The following CLVS1 variants were observed in gnomAD, a reference collection of about 807,000 sequenced individuals.
CLVS1 encodes clavesin-1.
A neutral mutation model predicts 33.1 loss-of-function variants in CLVS1; 10 were observed. That is an observed-to-expected ratio of 0.30 (90% CI 0.19 to 0.51). The LOEUF (loss-of-function observed/expected upper bound fraction) is 0.51, where lower values mean the gene tolerates loss of function less well. Ranked by LOEUF, CLVS1 falls within the 20% of genes least tolerant of loss-of-function variation. CLVS1 has a pLI of 0.97. For synonymous variants in CLVS1, 163 were observed against 166.1 expected (o/e 0.98, Z 0.14); for missense variants, 343 against 433.4 (o/e 0.79, Z 1.85).
chr8:61,439,653 A>G (rs1356846574), intron 3 of CLVS1, among the ~76,000 whole-genome samples: 3 of 152,240 alleles, frequency 2.0e-5, no homozygotes. Flanking sequence ...AGGATTTCCT[A>G]CCAGGAATGA....
At chr8:61,202,357 G>T in intron 2 of CLVS1, 2 of 742,414 alleles carry the variant, frequency 2.7e-6, no homozygotes, top group Non-Finnish European at 5.0e-6. Context: ...CCCGATGGAA[G>T]ATCTGATGGA....
At chr8:61,212,328 CG>C (rs1807987824) in intron 2 of CLVS1, among the ~76,000 whole-genome samples, 2 of 152,222 alleles carry the variant, frequency 1.3e-5, no homozygotes, top group Admixed American at 1.3e-4. Flanking sequence ...AGTGAGGTGG[CG>C]GGGGACATTT....
At chr8:60,995,827 A>C in the CLVS1 span, among the ~76,000 whole-genome samples, 20 of 152,288 alleles carry the variant, frequency 1.3e-4, no homozygotes, top group African/African-American at 1.9e-4. Flanking sequence ...GAATACTATG[A>C]AGCCATAAAA....
At chr8:61,463,548 A>G (rs1299605106) in intron 5 of CLVS1, among the ~76,000 whole-genome samples, 6 of 152,140 alleles carry the variant, frequency 3.9e-5, no homozygotes, top group Non-Finnish European at 8.8e-5. Flanking sequence ...TAAGGTTATT[A>G]ATTAACCTAG....
At chr8:61,232,142 C>T (rs1808459841) in intron 2 of CLVS1, among the ~76,000 whole-genome samples, 1 of 147,596 alleles carries the variant, frequency 6.8e-6, no homozygotes, top group African/African-American at 2.5e-5. Flanking sequence ...TCAGGCCATT[C>T]TCCTACCTCA....
intron 2 of CLVS1, among the ~76,000 whole-genome samples, chr8:61,323,441 T>G (rs546398698): frequency 6.6e-5 from 10 of 152,246 alleles, no homozygotes; most frequent in African/African-American, 2.4e-4. Context: ...CAGAGGAACA[T>G]GTAGGTTGAA....
At chr8:61,202,269 C>A in intron 2 of CLVS1, 1 of 576,856 alleles carries the variant, frequency 1.7e-6, no homozygotes, top group Non-Finnish European at 3.2e-6. Flanking sequence ...GGTGTGATTC[C>A]ATCCTGTGTG....
the CLVS1 span, among the ~76,000 whole-genome samples, chr8:61,019,318 C>T: frequency 6.6e-6 from 1 of 152,176 alleles, no homozygotes; most frequent in South Asian, 2.1e-4. Context: ...TAACCTGAGG[C>T]ACGCACACCT....
intron 2 of CLVS1, among the ~76,000 whole-genome samples, chr8:61,165,912 A>G (rs1045949514): frequency 1.1e-4 from 16 of 152,276 alleles, no homozygotes; most frequent in African/African-American, 2.9e-4. Context: ...TTTTCCATCA[A>G]TGGAAACATA....
intron 2 of CLVS1, among the ~76,000 whole-genome samples, chr8:61,213,543 T>C (rs903616385): frequency 6.6e-6 from 1 of 151,766 alleles, no homozygotes; most frequent in Non-Finnish European, 1.5e-5. Context: ...ACTTTTATAA[T>C]TTCTTATGCC....
At chr8:60,998,175 C>T in the CLVS1 span, among the ~76,000 whole-genome samples, 2 of 152,168 alleles carry the variant, frequency 1.3e-5, no homozygotes, top group African/African-American at 4.8e-5. Flanking sequence ...CACTCTTTTA[C>T]TGACAGTGCT....
chr8:60,978,044 A>G, the CLVS1 span, among the ~76,000 whole-genome samples: 3 of 152,262 alleles, frequency 2.0e-5, no homozygotes, highest in African/African-American at 7.2e-5. Flanking sequence ...AGAATTGTAT[A>G]TCTAGCAAAA....
At chr8:61,301,814 C>T (rs575533090) in intron 2 of CLVS1, among the ~76,000 whole-genome samples, 24 of 152,246 alleles carry the variant, frequency 1.6e-4, no homozygotes, top group South Asian at 1.0e-3. Flanking sequence ...CCTCCTCCCA[C>T]GACTGCAGGT....
intron 1 of CLVS1, among the ~76,000 whole-genome samples, chr8:61,077,832 G>T (rs1444949348): frequency 6.6e-6 from 1 of 152,216 alleles, no homozygotes; most frequent in Non-Finnish European, 1.5e-5. Context: ...GGCCATGCCG[G>T]AGCCATCTGC....
At chr8:61,365,754 G>GGT (rs35496931) in intron 2 of CLVS1, among the ~76,000 whole-genome samples, 51,409 of 148,440 alleles carry the variant, frequency 0.35, 10,331 homozygotes, top group East Asian at 0.62. Context: ...CAGTTTACAG[G>GGT]GTGTGTGTGT....
intron 2 of CLVS1, among the ~76,000 whole-genome samples, chr8:61,259,812 G>A (rs539464564): frequency 1.3e-5 from 2 of 152,214 alleles, no homozygotes; most frequent in Admixed American, 6.5e-5. Context: ...GGATATTGGC[G>A]GTGTGGCAGG....
intron 2 of CLVS1, among the ~76,000 whole-genome samples, chr8:61,208,497 AGT>A (rs1807903462): frequency 6.6e-6 from 1 of 152,242 alleles, no homozygotes; most frequent in South Asian, 2.1e-4. Flanking sequence ...AATATTTTGC[AGT>A]GTTTGAATGT....
chr8:60,979,765 G>A, the CLVS1 span, among the ~76,000 whole-genome samples: 1 of 152,194 alleles, frequency 6.6e-6, no homozygotes, highest in Non-Finnish European at 1.5e-5. Context: ...GGGAAGGCAG[G>A]TCTGATTTCT....
chr8:61,210,630 T>C (rs187824165), intron 2 of CLVS1, among the ~76,000 whole-genome samples: 1 of 152,338 alleles, frequency 6.6e-6, no homozygotes, highest in African/African-American at 2.4e-5. Context: ...AACAACCTTG[T>C]GAGCTTGGAA....
Sources: gnomAD v4.1 joint callset for allele counts (sites outside exome capture counted in the v4.1 genomes callset) on GRCh38, gnomAD v4.1.1 for gene constraint, MANE v1.5 for transcripts, NCBI Gene and HGNC (gene_info 2026-07-23, HGNC 2026-07-21) for gene names.